PTPRQ: variants seen among roughly 807,000 people sequenced by gnomAD.
PTPRQ encodes the protein protein tyrosine phosphatase receptor type Q.
A neutral mutation model predicts 246.0 loss-of-function variants in PTPRQ; 199 were observed. That is an observed-to-expected ratio of 0.81 (90% CI 0.72 to 0.91). The LOEUF is 0.91. Among genes scored for constraint, PTPRQ ranks in the 40% least tolerant of loss-of-function variants. The pLI, the probability that PTPRQ is intolerant of heterozygous loss-of-function variation, is 0.00. For missense variants in PTPRQ, 2,624 were observed against 2,528.4 expected (o/e 1.04, Z -0.81); for synonymous variants, 869 against 853.2 (o/e 1.02, Z -0.32).
At chr12:80,480,165 C>T (rs1454227780) in intron 8 of PTPRQ, among the ~76,000 whole-genome samples, 3 of 152,086 alleles carry the variant, frequency 2.0e-5, no homozygotes, top group Non-Finnish European at 2.9e-5. Context: ...GAAATTATAA[C>T]AAACTATCTC....
chr12:80,447,859 C>T (rs943316064), intron 3 of PTPRQ, among the ~76,000 whole-genome samples: 1 of 151,968 alleles, frequency 6.6e-6, no homozygotes, highest in Non-Finnish European at 1.5e-5. Flanking sequence ...GTTCTTTTTG[C>T]TTAGGATTGC....
intron 17 of PTPRQ, among the ~76,000 whole-genome samples, chr12:80,532,345 C>CCTT (rs1895868918): frequency 6.6e-6 from 1 of 152,062 alleles, no homozygotes; most frequent in African/African-American, 2.4e-5. Flanking sequence ...GCCTCAGCCT[C>CCTT]CTGAAAGCTG....
chr12:80,570,977 G>T (rs926860466), intron 25 of PTPRQ, among the ~76,000 whole-genome samples: 1 of 152,094 alleles, frequency 6.6e-6, no homozygotes, highest in African/African-American at 2.4e-5. Flanking sequence ...TGCTGTTTTG[G>T]TTACTGTAGC....
At position 80,541,805 on chromosome 12, in the gene PTPRQ, T is replaced by A; in HGVS notation, c.3405T>A (p.Asp1135Glu). Residue 1135 changes from aspartate to glutamate, a missense_variant, in exon 21 of 45, where the codon GAT becomes GAA. Coordinates refer to ENST00000644991, the MANE Select transcript of PTPRQ (RefSeq NM_001145026.2). ...CATCAACAGAAAAGGGATTCTCTGA[T>A]ACCTATACTGCCCAGCTATACATCA... is the stretch of plus-strand genomic sequence containing the variant. Reference protein sequence around the residue: ...ITPSTEKGFSDTYTAQLYIKT... With the variant: ...ITPSTEKGFSETYTAQLYIKT... The A allele has an allele frequency of 6.5e-7, 1 of 1,550,368 alleles. No homozygotes were observed. The highest frequency in any genetic ancestry group is 8.7e-7 in the Non-Finnish European group (1 of 1,146,374).
At chr12:80,645,023 C>T (rs768892719) in intron 35 of PTPRQ, among the ~76,000 whole-genome samples, 29 of 151,980 alleles carry the variant, frequency 1.9e-4, no homozygotes, top group African/African-American at 6.8e-4. Flanking sequence ...TAGAAAATTA[C>T]ATAAAAACTG....
chr12:80,498,740 C>T (rs570705190), intron 14 of PTPRQ, among the ~76,000 whole-genome samples: 1 of 152,114 alleles, frequency 6.6e-6, no homozygotes, highest in Admixed American at 6.6e-5. Context: ...TTGAAAGATT[C>T]TATTGTGATA....
intron 37 of PTPRQ, 123 bp downstream of exon 37, chr12:80,649,792 T>A (rs1361556746): frequency 7.5e-7 from 1 of 1,332,480 alleles, no homozygotes; most frequent in East Asian, 2.7e-5. Flanking sequence ...AATACCCAAT[T>A]ACCAGGTTGA....
intron 14 of PTPRQ, among the ~76,000 whole-genome samples, chr12:80,499,330 C>T (rs1224064571): frequency 6.6e-6 from 1 of 151,920 alleles, no homozygotes; most frequent in Non-Finnish European, 1.5e-5. Flanking sequence ...TGTGCATTTT[C>T]CACCTGGATG....
intron 35 of PTPRQ, among the ~76,000 whole-genome samples, chr12:80,648,570 A>G (rs1324597025): frequency 6.6e-6 from 1 of 152,102 alleles, no homozygotes; most frequent in Non-Finnish European, 1.5e-5. Flanking sequence ...TTAGACCACT[A>G]AATACCATGC....
intron 8 of PTPRQ, among the ~76,000 whole-genome samples, chr12:80,481,384 A>G (rs1384041006): frequency 6.6e-6 from 1 of 152,172 alleles, no homozygotes; most frequent in Admixed American, 6.5e-5. Context: ...TCAAAATAAT[A>G]AGAGCCATCC....
chr12:80,664,520 T>C (rs1900726920), intron 39 of PTPRQ, among the ~76,000 whole-genome samples: 1 of 152,056 alleles, frequency 6.6e-6, no homozygotes, highest in Admixed American at 6.6e-5. Flanking sequence ...ATCATCATTT[T>C]TTCTCTTTTA....
intron 20 of PTPRQ, among the ~76,000 whole-genome samples, chr12:80,540,447 AC>A: frequency 6.6e-6 from 1 of 152,184 alleles, no homozygotes; most frequent in East Asian, 1.9e-4. Context: ...TATTCAGAAA[AC>A]TATAATGATT....
At chr12:80,456,267 C>T (rs1004972179) in intron 3 of PTPRQ, among the ~76,000 whole-genome samples, 7 of 151,816 alleles carry the variant, frequency 4.6e-5, no homozygotes, top group South Asian at 2.1e-4. Context: ...TTAAAGAACA[C>T]GATCAGAACT....
chr12:80,619,379 T>A lies in PTPRQ; in HGVS notation c.5231-5T>A. 6.5e-7 allele frequency: 1 copy of A among 1,546,178 alleles called. No individual in the cohort carries two copies. ...ATTGCAGTGATATTTCTTCTTTGTT[T>A]ATAGCTCCAGCACGACCAAAAACCA... On this transcript the variant is annotated splice_polypyrimidine_tract_variant and splice_region_variant and intron_variant, in intron 30 of 44. Coordinates refer to ENST00000644991, the MANE Select transcript of PTPRQ (RefSeq NM_001145026.2).
At chr12:80,483,523 T>C (rs947569149) in intron 8 of PTPRQ, among the ~76,000 whole-genome samples, 1 of 151,824 alleles carries the variant, frequency 6.6e-6, no homozygotes, top group African/African-American at 2.4e-5. Context: ...ACTTAAAGTA[T>C]AATAATAAAA....
At chr12:80,507,248 C>G (rs563136476) in intron 16 of PTPRQ, among the ~76,000 whole-genome samples, 4 of 152,000 alleles carry the variant, frequency 2.6e-5, no homozygotes, top group African/African-American at 9.6e-5. Flanking sequence ...ACATTGATAC[C>G]TTACCAAGTT....
At chr12:80,505,465 A>G (rs1452990589) in intron 14 of PTPRQ, among the ~76,000 whole-genome samples, 2 of 151,918 alleles carry the variant, frequency 1.3e-5, no homozygotes, top group African/African-American at 4.8e-5. Flanking sequence ...TATACATAGA[A>G]AACCATTTTA....
At chr12:80,485,853 C>A (rs977034562) in intron 9 of PTPRQ, among the ~76,000 whole-genome samples, 1 of 152,076 alleles carries the variant, frequency 6.6e-6, no homozygotes, top group Non-Finnish European at 1.5e-5. Flanking sequence ...ACCTGTTTTT[C>A]CATGAAGCTA....
chr12:80,609,494 T>C (rs577342557), intron 27 of PTPRQ, among the ~76,000 whole-genome samples: 2 of 150,640 alleles, frequency 1.3e-5, no homozygotes, highest in African/African-American at 4.8e-5. Context: ...TTGAATTTTC[T>C]CATGGTTATC....
Sources: allele counts gnomAD v4.1 joint callset (sites outside exome capture counted in the v4.1 genomes callset), GRCh38; gene constraint gnomAD v4.1.1; transcripts MANE v1.5; gene names NCBI Gene and HGNC (gene_info 2026-07-23, HGNC 2026-07-21).